ARRDC3: variants seen among roughly 807,000 people sequenced by gnomAD.
ARRDC3 encodes the protein arrestin domain-containing protein 3.
ARRDC3 carries 10 observed loss-of-function variants against 47.2 expected under a neutral mutation model. The ratio of observed to expected loss-of-function variants is 0.21; its 90% CI spans 0.13 to 0.36. The LOEUF (loss-of-function observed/expected upper bound fraction) is 0.36, where lower values mean the gene tolerates loss of function less well. ARRDC3 is among the 10% of genes least tolerant of loss of function. The pLI is 1.00. For synonymous variants in ARRDC3, 156 were observed against 178.3 expected, an observed-to-expected ratio of 0.87 and a Z score of 1.00; for missense variants, 381 against 503.6, an observed-to-expected ratio of 0.76 and a Z score of 2.33.
At position 91,375,696 on chromosome 5, in the gene ARRDC3, A is replaced by G. The variant is rs187095879; in HGVS notation, c.511-83T>C. The stretch of plus-strand genomic sequence containing the variant: ...AGAATATTTTAAAATATAACCCTAA[A>G]TTTATGGAAAATTAAAAATTACAAC... On this transcript the variant is annotated intron_variant, in intron 3 of 7. Coordinates refer to ENST00000265138, the MANE Select transcript of ARRDC3 (RefSeq NM_020801.4). 5.3e-3 allele frequency: 4,838 copies of G among 911,386 alleles called. 71 individuals are homozygous for G. Among genetic ancestry groups the G allele is most frequent in the East Asian group, 0.05 (1,729 of 34,674 alleles). The allele number at this position is 911,386 out of a possible 1,614,324, so 56.5% of individuals were successfully genotyped here. A position where few individuals can be genotyped will look rare whatever the true frequency, so the allele number is the denominator to read the frequency against.
Position 91,382,837 on chromosome 5 carries a change from C to T in ARRDC3, c.256G>A (p.Asp86Asn), listed in dbSNP as rs775715622. ...CCTCTTTCGTGCCCAATTAAGATGT[C>T]TTTATGGTTGAAATACTCTACTTCT... The part of the protein sequence containing the change: ...TEEVEYFNHK[D>N]ILIGHERDDD... The change falls in exon 1 of 8, where the codon GAC becomes AAC. Residue 86 changes from aspartate to asparagine, a missense_variant. Physicochemically the swap from Asp to Asn is conservative, Grantham distance 23 (BLOSUM62 1). Transcript: ENST00000265138. The T allele has an allele frequency of 1.9e-6, 3 of 1,613,926 alleles. No homozygotes were observed. The highest frequency in any genetic ancestry group is 3.3e-5 in the Admixed American group (2 of 60,004).
At chr5:91,372,723 A>T (rs1030901792) in intron 7 of ARRDC3, among the ~76,000 whole-genome samples, 8 of 151,588 alleles carry the variant, frequency 5.3e-5, no homozygotes, top group East Asian at 1.9e-4. Context: ...TGGTGTTAAT[A>T]AAAAAAAAGA....
chr5:91,380,777 C>T (rs1414591665), intron 1 of ARRDC3: 1 of 152,338 alleles, frequency 6.6e-6, no homozygotes, highest in Admixed American at 6.5e-5. Context: ...GGCCATCCAG[C>T]ACCTGTAAGG....
chr5:91,375,383 G>T, intron 4 of ARRDC3, 128 bp downstream of exon 4: 2 of 857,750 alleles, frequency 2.3e-6, no homozygotes, highest in Non-Finnish European at 3.5e-6. Flanking sequence ...AAAAACAAAT[G>T]GATAAGCACA....
At chr5:91,374,888 A>G in intron 5 of ARRDC3, 34 bp downstream of exon 5, 4 of 1,599,990 alleles carry the variant, frequency 2.5e-6, no homozygotes, top group Non-Finnish European at 3.4e-6. Context: ...AAAAAGAAAA[A>G]AGAAAGGAAA....
At chr5:91,380,392 A>G (rs908341762) in intron 1 of ARRDC3, 1 of 151,894 alleles carries the variant, frequency 6.6e-6, no homozygotes, top group African/African-American at 2.4e-5. Flanking sequence ...GGCTCGGGCC[A>G]CTCTGACACC....
At chr5:91,382,402 C>A (rs961106556) in intron 1 of ARRDC3, among the ~76,000 whole-genome samples, 1 of 152,206 alleles carries the variant, frequency 6.6e-6, no homozygotes, top group Non-Finnish European at 1.5e-5. Flanking sequence ...AATGTTATTA[C>A]ATTTCTTGAT....
chr5:91,379,366 C>A, intron 1 of ARRDC3, among the ~76,000 whole-genome samples: 1 of 142,494 alleles, frequency 7.0e-6, no homozygotes. Flanking sequence ...ATTTATTGAA[C>A]TAAAAATAAT....
rs1799152018 is a variant in ARRDC3, at chr5:91,370,747, C to T, written c.*653G>A. On this transcript the variant is annotated 3_prime_UTR_variant, in exon 8 of 8. Coordinates refer to ENST00000265138, the MANE Select transcript of ARRDC3 (RefSeq NM_020801.4). ...GTATCTACTACAGTAGGCTGCAAAA[C>T]ATACAGCAAAAAGGATTGGCTTGAA... 6.6e-6 allele frequency: 1 copy of T among 152,354 alleles called. No homozygotes were observed. Among genetic ancestry groups the T allele is most frequent in the Admixed American group, 6.6e-5 (1 of 15,244 alleles). The allele number at this position is 152,354 out of a possible 1,614,324, so 9.4% of individuals were successfully genotyped here. A position where few individuals can be genotyped will look rare whatever the true frequency, so the allele number is the denominator to read the frequency against.
Position 91,370,466 on chromosome 5 carries a change from C to G in ARRDC3, c.*934G>C, listed in dbSNP as rs1799143421. ...ATGTCCCGTTTCCAAATTTCCCTCT[C>G]CAAAAAGCCAACCAAATAAACAAAC... On this transcript the variant is annotated 3_prime_UTR_variant, in exon 8 of 8. Coordinates refer to ENST00000265138, the MANE Select transcript of ARRDC3 (RefSeq NM_020801.4). 1 of 152,436 alleles carries G rather than the reference C, an allele frequency of 6.6e-6. No homozygotes were observed. Among genetic ancestry groups the G allele is most frequent in the Admixed American group, 6.6e-5 (1 of 15,250 alleles). 9.4% of individuals were successfully genotyped at this position (152,436 alleles called of 1,614,324 possible).
intron 2 of ARRDC3, 79 bp from the exon 3 acceptor site, chr5:91,376,847 T>A: frequency 7.6e-7 from 1 of 1,313,862 alleles, no homozygotes. Context: ...ATAGAAGTGT[T>A]AATATATTGT....
chr5:91,371,520 A>T, intron 7 of ARRDC3, 64 bp from the exon 8 acceptor site: 1 of 1,249,104 alleles, frequency 8.0e-7, no homozygotes, highest in Non-Finnish European at 1.1e-6. Flanking sequence ...GAATGTAGCA[A>T]ATGACTACAA....
chr5:91,371,044 G>A lies in ARRDC3; in HGVS notation c.*356C>T, dbSNP rs1014459747. ...AAAAAAAAAAAGAAGCTGTAGTGAC[G>A]TCGAACCGCACAATGTAAGCATTGA... On this transcript the variant is annotated 3_prime_UTR_variant, in exon 8 of 8. Coordinates refer to ENST00000265138, the MANE Select transcript of ARRDC3 (RefSeq NM_020801.4). 42 of 178,290 alleles carry A rather than the reference G, an allele frequency of 2.4e-4. No homozygotes were observed. Among genetic ancestry groups the A allele is most frequent in the African/African-American group, 7.0e-4 (28 of 39,728 alleles). The allele number at this position is 178,290 out of a possible 1,614,324, so 11.0% of individuals were successfully genotyped here.
intron 2 of ARRDC3, among the ~76,000 whole-genome samples, chr5:91,378,347 G>A (rs1024300893): frequency 8.6e-5 from 13 of 151,986 alleles, no homozygotes; most frequent in African/African-American, 3.1e-4. Flanking sequence ...ACTTGATAGG[G>A]TCTATCTTTT....
Position 91,378,826 on chromosome 5 carries a change from T to A in ARRDC3, c.281-51A>T, listed in dbSNP as rs889388334. 5.7e-6 allele frequency: 7 copies of A among 1,231,546 alleles called. No individual in the cohort carries two copies. The African/African-American group carries it at 9.2e-5, about 16-fold the overall frequency. The allele number at this position is 1,231,546 out of a possible 1,614,324, so 76.3% of individuals were successfully genotyped here. A position where few individuals can be genotyped will look rare whatever the true frequency, so the allele number is the denominator to read the frequency against. On this transcript the variant is annotated intron_variant, in intron 1 of 7. Coordinates refer to ENST00000265138, the MANE Select transcript of ARRDC3 (RefSeq NM_020801.4). ...AAGAATTTATTATTCAACATTTACATACTCCGCAGGGTGGCATAACTTTAA... is the reference window on the plus strand; with the variant it reads ...AAGAATTTATTATTCAACATTTACAAACTCCGCAGGGTGGCATAACTTTAA...
intron 1 of ARRDC3, chr5:91,380,108 G>T (rs117153091): frequency 6.6e-6 from 1 of 152,238 alleles, no homozygotes; most frequent in Admixed American, 6.6e-5. Flanking sequence ...GAGCGGCGGC[G>T]GCCGCGCCGT....
chr5:91,382,401 A>T (rs1799474755), intron 1 of ARRDC3, among the ~76,000 whole-genome samples: 1 of 152,284 alleles, frequency 6.6e-6, no homozygotes, highest in Non-Finnish European at 1.5e-5. Context: ...AAATGTTATT[A>T]CATTTCTTGA....
intron 1 of ARRDC3, chr5:91,379,947 T>C (rs1233936070): frequency 6.6e-6 from 1 of 152,174 alleles, no homozygotes; most frequent in East Asian, 1.9e-4. Flanking sequence ...CCTGTGCAAA[T>C]TCCCCTGAAC....
chr5:91,379,414 T>A (rs1175118702), intron 1 of ARRDC3, among the ~76,000 whole-genome samples: 1 of 152,048 alleles, frequency 6.6e-6, no homozygotes, highest in Non-Finnish European at 1.5e-5. Context: ...ACTCAGTTGG[T>A]CCTAGCAACG....
Sources: gnomAD v4.1 joint callset for allele counts (sites outside exome capture counted in the v4.1 genomes callset) on GRCh38, gnomAD v4.1.1 for gene constraint, MANE v1.5 for transcripts, NCBI Gene and HGNC (gene_info 2026-07-23, HGNC 2026-07-21) for gene names.